Variants in INTS7 observed in about 807,000 individuals in gnomAD.
The protein encoded by INTS7 is integrator complex subunit 7.
A neutral mutation model predicts 109.2 loss-of-function variants in INTS7; 46 were observed. The ratio of observed to expected loss-of-function variants is 0.42; its 90% CI spans 0.33 to 0.54. The LOEUF (loss-of-function observed/expected upper bound fraction) is 0.54, where lower values mean the gene tolerates loss of function less well. Ranked by LOEUF, INTS7 falls within the 20% of genes least tolerant of loss-of-function variation. The pLI is 0.07. For missense variants in INTS7, 929 were observed against 1,132.4 expected, an observed-to-expected ratio of 0.82 and a Z score of 2.58; for synonymous variants, 412 against 402.9, an observed-to-expected ratio of 1.02 and a Z score of -0.27.
chr1:212,009,805 T>C (rs530144717), intron 5 of INTS7, among the ~76,000 whole-genome samples: 1 of 152,324 alleles, frequency 6.6e-6, no homozygotes, highest in East Asian at 1.9e-4. Context: ...TTCCTTCTAA[T>C]GTCATAAGGA....
chr1:212,031,170 T>C (rs925561135), intron 1 of INTS7, among the ~76,000 whole-genome samples: 3 of 152,154 alleles, frequency 2.0e-5, no homozygotes, highest in Non-Finnish European at 2.9e-5. Context: ...TCTCATCCTT[T>C]CCAAGGTCAA....
At chr1:211,944,612 A>G (rs1662770321) in intron 19 of INTS7, among the ~76,000 whole-genome samples, 172 bp downstream of exon 19, 1 of 152,214 alleles carries the variant, frequency 6.6e-6, no homozygotes, top group African/African-American at 2.4e-5. Context: ...AGGGAGAGAA[A>G]AAGAAGTGTT....
At chr1:211,956,373 T>A (rs891512272) in intron 16 of INTS7, among the ~76,000 whole-genome samples, 1 of 152,222 alleles carries the variant, frequency 6.6e-6, no homozygotes, top group Non-Finnish European at 1.5e-5. Context: ...GATTTTCTAA[T>A]GTTAACCCAA....
chr1:211,985,878 T>C (rs1252836315), intron 8 of INTS7, among the ~76,000 whole-genome samples: 1 of 152,220 alleles, frequency 6.6e-6, no homozygotes, highest in Non-Finnish European at 1.5e-5. Flanking sequence ...TGGTGAAGGA[T>C]GTTAACTGCA....
chr1:211,941,951 C>T lies in INTS7; in HGVS notation c.2762G>A (p.Gly921Asp), dbSNP rs1662650858. The T allele has an allele frequency of 6.2e-7, 1 of 1,614,044 alleles. No homozygotes were observed. The highest frequency in any genetic ancestry group is 1.3e-5 in the African/African-American group (1 of 74,914). ...TTTTACAAATATGGTAGTTCTGGGA[C>T]CAGTCTTCCATACTATACCATTGGC... ...KDANGIVWKT[G>D]PRTTIFVKSL... The change falls in exon 20 of 20, where the codon GGT (glycine) becomes GAT (aspartate). Residue 921 changes from glycine (G) to aspartate (D), a missense_variant. Transcript: ENST00000366994.
chr1:212,006,825 TGTA>T, intron 6 of INTS7, 64 bp from the exon 7 acceptor site: 1 of 1,347,542 alleles, frequency 7.4e-7, no homozygotes, highest in East Asian at 2.4e-5. Flanking sequence ...AGAAATGCAG[TGTA>T]GTTTAGTGAA....
chr1:211,955,190 T>C, intron 16 of INTS7, among the ~76,000 whole-genome samples: 1 of 152,138 alleles, frequency 6.6e-6, no homozygotes, highest in Non-Finnish European at 1.5e-5. Flanking sequence ...TTTGGCTCTC[T>C]GTTTGTCTGT....
chr1:212,017,029 G>T lies in INTS7; in HGVS notation c.372-6C>A, dbSNP rs748661939. ...ATGCCAGACTTCCCAACATCCTACAGAAACAGAGAAACCCAAGAAGATCGG... is the reference window on the plus strand; with the variant it reads ...ATGCCAGACTTCCCAACATCCTACATAAACAGAGAAACCCAAGAAGATCGG... On this transcript the variant is annotated splice_region_variant and splice_polypyrimidine_tract_variant and intron_variant, in intron 3 of 19. Transcript: ENST00000366994. The T allele has an allele frequency of 1.9e-6, 3 of 1,570,242 alleles. No homozygotes were observed. The highest frequency in any genetic ancestry group is 2.6e-6 in the Non-Finnish European group (3 of 1,162,532).
chr1:211,985,974 G>A (rs1664879657), intron 8 of INTS7, among the ~76,000 whole-genome samples: 1 of 152,156 alleles, frequency 6.6e-6, no homozygotes, highest in Admixed American at 6.5e-5. Context: ...TATAAAGAAG[G>A]CTGTGATAAT....
At chr1:211,968,036 A>C (rs1663987121) in intron 14 of INTS7, 55 bp from the exon 15 acceptor site, 1 of 951,500 alleles carries the variant, frequency 1.1e-6, no homozygotes, top group Non-Finnish European at 1.5e-6. Flanking sequence ...TTGTATAAAC[A>C]ACACAAAAAC....
chr1:212,026,307 C>T (rs1163501235), intron 1 of INTS7, among the ~76,000 whole-genome samples: 1 of 152,146 alleles, frequency 6.6e-6, no homozygotes, highest in Admixed American at 6.5e-5. Flanking sequence ...GTACTTAGAA[C>T]ATTATTTCCT....
At chr1:212,033,050 T>C (rs1478192455) in intron 1 of INTS7, among the ~76,000 whole-genome samples, 2 of 152,222 alleles carry the variant, frequency 1.3e-5, no homozygotes, top group Non-Finnish European at 2.9e-5. Flanking sequence ...CTGTCTAGAA[T>C]GTAAGCTCTA....
intron 2 of INTS7, chr1:212,020,671 A>G (rs922316634): frequency 1.0e-5 from 9 of 893,276 alleles, no homozygotes; most frequent in Non-Finnish European, 1.2e-5. Flanking sequence ...GCAGCAGAAG[A>G]TGGAATGGTC....
intron 16 of INTS7, among the ~76,000 whole-genome samples, chr1:211,957,575 G>A (rs1663428310): frequency 6.6e-6 from 1 of 152,114 alleles, no homozygotes; most frequent in Admixed American, 6.6e-5. Context: ...GGATTGTCGA[G>A]TTGTATGGCG....
At chr1:212,000,054 G>A (rs188111884) in intron 7 of INTS7, among the ~76,000 whole-genome samples, 74 of 152,070 alleles carry the variant, frequency 4.9e-4, no homozygotes, top group Admixed American at 1.3e-3. Context: ...GCAGTGAGCC[G>A]AGATTGTGCC....
At chr1:211,984,147 G>C (rs1287465160) in intron 8 of INTS7, among the ~76,000 whole-genome samples, 2 of 151,836 alleles carry the variant, frequency 1.3e-5, no homozygotes, top group Admixed American at 1.3e-4. Flanking sequence ...CACCATGCCT[G>C]GCCCCTTCAG....
intron 13 of INTS7, among the ~76,000 whole-genome samples, chr1:211,973,514 C>T (rs1393719072): frequency 2.0e-5 from 3 of 152,158 alleles, no homozygotes; most frequent in Non-Finnish European, 2.9e-5. Context: ...GCATGATCCT[C>T]AAAGCTGTAC....
rs570157733 is a variant in INTS7, at chr1:211,942,601, C to G, written c.2602-490G>C. ...TAAGCAAATTTAAGTTAGGTTCCCC[C>G]CCAACAGTTAGTCTGATTTTTATTA... is the stretch of plus-strand genomic sequence containing the variant. On this transcript the variant is annotated intron_variant, in intron 19 of 19. Transcript: ENST00000366994. This position sits in a 1 kb window ranked among gnomAD's most constrained non-coding sequence, Gnocchi z 4.2. Among the ~76,000 whole-genome samples, 1 of 152,298 alleles carries G rather than the reference C, an allele frequency of 6.6e-6. No individual in the cohort carries two copies.
chr1:211,968,393 A>G, intron 14 of INTS7, 120 bp downstream of exon 14: 1 of 821,850 alleles, frequency 1.2e-6, no homozygotes, highest in Non-Finnish European at 1.9e-6. Context: ...AGTTGAGTGA[A>G]TAAACATTTA....
Sources: allele counts gnomAD v4.1 joint callset (sites outside exome capture counted in the v4.1 genomes callset), GRCh38; gene constraint gnomAD v4.1.1; non-coding constraint Gnocchi (gnomAD v3.1); transcripts MANE v1.5; gene names NCBI Gene and HGNC (gene_info 2026-07-23, HGNC 2026-07-21).